LRP2: variants seen among roughly 807,000 people sequenced by gnomAD.
The protein encoded by LRP2 is low-density lipoprotein receptor-related protein 2.
A neutral mutation model predicts 531.0 loss-of-function variants in LRP2; 172 were observed. The ratio of observed to expected loss-of-function variants is 0.32; its 90% CI spans 0.29 to 0.37. The LOEUF is 0.37. LRP2 is among the 10% of genes least tolerant of loss of function. The pLI is 1.00. For synonymous variants in LRP2, 1,992 were observed against 2,027.6 expected (o/e 0.98, Z 0.47); for missense variants, 5,167 against 5,868.3 (o/e 0.88, Z 3.90).
chr2:169,351,049 G>T (rs1016654361), intron 1 of LRP2, among the ~76,000 whole-genome samples: 19 of 152,074 alleles, frequency 1.2e-4, no homozygotes, highest in African/African-American at 3.1e-4. Flanking sequence ...AGATACCAAG[G>T]GTAGGCCAGC....
chr2:169,290,772 G>A, intron 8 of LRP2, 73 bp downstream of exon 8: 1 of 1,490,234 alleles, frequency 6.7e-7, no homozygotes, highest in Non-Finnish European at 9.3e-7. Flanking sequence ...CAGATACACT[G>A]TATTTGAACG....
chr2:169,327,314 G>GGGTC (rs1310507269), intron 1 of LRP2, among the ~76,000 whole-genome samples: 1 of 131,476 alleles, frequency 7.6e-6, no homozygotes, highest in Non-Finnish European at 1.7e-5. Flanking sequence ...GAGGGAGGTG[G>GGGTC]GGTCAGCCCC....
intron 60 of LRP2, among the ~76,000 whole-genome samples, chr2:169,169,432 G>C (rs1161265253): frequency 2.6e-5 from 4 of 152,144 alleles, no homozygotes; most frequent in African/African-American, 9.7e-5. Context: ...TTAATGATTT[G>C]TATAGTAGCT....
intron 16 of LRP2, among the ~76,000 whole-genome samples, chr2:169,264,274 TA>T (rs1374733549): frequency 2.0e-5 from 3 of 151,414 alleles, no homozygotes; most frequent in African/African-American, 2.4e-5. Context: ...ATAAAAAAAT[TA>T]AAAAAAGGTA....
At chr2:169,157,957 T>TAAATAAATAAA (rs568534822) in intron 63 of LRP2, among the ~76,000 whole-genome samples, 11 of 146,072 alleles carry the variant, frequency 7.5e-5, no homozygotes, top group East Asian at 4.2e-4. Flanking sequence ...AATAAATAAA[T>TAAATAAATAAA]AAAAGACATG....
At chr2:169,324,154 A>G (rs1684981300) in intron 1 of LRP2, among the ~76,000 whole-genome samples, 1 of 152,246 alleles carries the variant, frequency 6.6e-6, no homozygotes, top group Admixed American at 6.5e-5. Context: ...TACTGTTATT[A>G]TGAATATTTT....
intron 1 of LRP2, among the ~76,000 whole-genome samples, chr2:169,356,588 T>A: frequency 6.6e-6 from 1 of 152,278 alleles, no homozygotes; most frequent in East Asian, 1.9e-4. Context: ...TCCCAGATAA[T>A]AAATGGCAGA....
At chr2:169,199,293 A>G (rs1688107717) in intron 44 of LRP2, among the ~76,000 whole-genome samples, 1 of 152,250 alleles carries the variant, frequency 6.6e-6, no homozygotes, top group Admixed American at 6.5e-5. Context: ...TGACAGTATA[A>G]TCTTCAGGAT....
chr2:169,267,311 A>G (rs767843833), intron 16 of LRP2, among the ~76,000 whole-genome samples: 1 of 152,126 alleles, frequency 6.6e-6, no homozygotes, highest in Non-Finnish European at 1.5e-5. Flanking sequence ...CATTCCTCTC[A>G]GCACCACATC....
At chr2:169,255,165 C>A (rs1574183859) in intron 19 of LRP2, among the ~76,000 whole-genome samples, 1 of 152,112 alleles carries the variant, frequency 6.6e-6, no homozygotes, top group African/African-American at 2.4e-5. Context: ...ATACACAGGG[C>A]TTTTGGTAGA....
At position 169,211,990 on chromosome 2, in the gene LRP2, G is replaced by C. The variant is rs1272969655; in HGVS notation, c.6258C>G (p.Thr2086=). ...TACCTTGGCCTGCCACCGGCACCATGGTTTCTGAATGATCTGACAATTCCA... is the reference window on the plus strand; with the variant it reads ...TACCTTGGCCTGCCACCGGCACCATCGTTTCTGAATGATCTGACAATTCCA... ...FSLELSDHSE[T]MVPVAGQGRN... Residue 2086 remains threonine, a synonymous_variant, in exon 37 of 79, where the codon ACC becomes ACG. Transcript: ENST00000649046. 1.2e-6 allele frequency: 2 copies of C among 1,613,830 alleles called. No individual in the cohort carries two copies. Among genetic ancestry groups the C allele is most frequent in the Non-Finnish European group, 1.7e-6 (2 of 1,179,898 alleles).
chr2:169,318,678 A>G, intron 3 of LRP2, 84 bp downstream of exon 3: 4 of 1,576,302 alleles, frequency 2.5e-6, no homozygotes, highest in Non-Finnish European at 2.6e-6. Flanking sequence ...ATAAAGAATC[A>G]TCCCATTGTG....
chr2:169,160,944 G>A (rs370493353), intron 63 of LRP2, among the ~76,000 whole-genome samples: 4 of 152,262 alleles, frequency 2.6e-5, no homozygotes, highest in Non-Finnish European at 5.9e-5. Context: ...CGTAACTCAC[G>A]CAGGAGAAAA....
chr2:169,216,272 G>A lies in LRP2; in HGVS notation c.5807C>T (p.Ala1936Val). Residue 1936 changes from alanine to valine, a missense_variant, in exon 35 of 79, where the codon GCA (alanine) becomes GTA (valine). Coordinates refer to ENST00000649046, the MANE Select transcript of LRP2 (RefSeq NM_004525.3). ...TCATACCACTCCTCTTCCAGTGACT[G>A]CCCAGTAGAGTTTCTGCTCTTCGAT... ...LDIEEQKLYW[A>V]VTGRGVIERG... 1 of 1,613,458 alleles carries A rather than the reference G, an allele frequency of 6.2e-7. No individual in the cohort carries two copies. Among genetic ancestry groups the A allele is most frequent in the Admixed American group, 1.7e-5 (1 of 59,944 alleles).
chr2:169,300,435 TA>T (rs59551931), intron 4 of LRP2, among the ~76,000 whole-genome samples: 37 of 151,584 alleles, frequency 2.4e-4, no homozygotes, highest in African/African-American at 8.5e-4. Flanking sequence ...CAGTGGGTTC[TA>T]AAAAAAGGAC....
intron 6 of LRP2, 50 bp downstream of exon 6, chr2:169,294,098 A>G (rs1321680105): frequency 1.5e-6 from 2 of 1,359,622 alleles, no homozygotes; most frequent in Admixed American, 3.4e-5. Context: ...AAACCGAAAC[A>G]AAACAAAACA....
At chr2:169,141,695 A>T (rs1284622309) in intron 71 of LRP2, among the ~76,000 whole-genome samples, 3 of 152,236 alleles carry the variant, frequency 2.0e-5, no homozygotes, top group Non-Finnish European at 2.9e-5. Context: ...CACGATGTGA[A>T]ATTGCAGTAA....
At chr2:169,132,826 C>A in intron 76 of LRP2, 145 bp from the exon 77 acceptor site, 1 of 676,056 alleles carries the variant, frequency 1.5e-6, no homozygotes. Flanking sequence ...TTGCATGACC[C>A]AGTAGGCCAG....
In LRP2 at chr2:169,241,026, A is replaced by G. The variant is rs531135493; in HGVS notation, c.4007T>C (p.Phe1336Ser). 6.2e-7 allele frequency: 1 copy of G among 1,614,102 alleles called. No individual in the cohort carries two copies. Among genetic ancestry groups the G allele is most frequent in the South Asian group, 1.1e-5 (1 of 91,082 alleles). ...VNLSVVCDGI[F>S]DCPNGTDESP... ...CTCATCTGTCCCATTGGGGCAGTCA[A>G]AGATGCCATCACACACTACACTCAG... Residue 1336 changes from phenylalanine (F) to serine (S), a missense_variant, in exon 25 of 79, where the codon TTT becomes TCT. Phe to Ser is a radical substitution (Grantham distance 155). Coordinates refer to ENST00000649046, the MANE Select transcript of LRP2 (RefSeq NM_004525.3).
Sources: allele counts gnomAD v4.1 joint callset (sites outside exome capture counted in the v4.1 genomes callset), GRCh38; gene constraint gnomAD v4.1.1; transcripts MANE v1.5; gene names NCBI Gene and HGNC (gene_info 2026-07-23, HGNC 2026-07-21).